CHRM5: variants seen among roughly 807,000 people sequenced by gnomAD.
CHRM5 encodes the protein muscarinic acetylcholine receptor M5.
CHRM5 carries 18 observed loss-of-function variants against 39.0 expected under a neutral mutation model. The ratio of observed to expected loss-of-function variants is 0.46; its 90% CI spans 0.32 to 0.68. The LOEUF (loss-of-function observed/expected upper bound fraction) is 0.68. CHRM5 is among the 30% of genes least tolerant of loss of function. The pLI, the probability that CHRM5 is intolerant of heterozygous loss-of-function variation, is 0.04. For missense variants in CHRM5, 515 were observed against 651.1 expected (o/e 0.79, Z 2.28); for synonymous variants, 241 against 246.3 (o/e 0.98, Z 0.20).
intron 1 of CHRM5, among the ~76,000 whole-genome samples, chr15:34,029,517 CAAAAAA>C (rs66519745): frequency 2.4e-4 from 28 of 118,696 alleles, no homozygotes; most frequent in African/African-American, 5.7e-4. Flanking sequence ...CCTATTTCTA[CAAAAAA>C]AAAAAAAAAA....
At position 33,973,242 on chromosome 15, in the gene CHRM5, T is replaced by C. The variant is rs533417278; in HGVS notation, c.-408+4092T>C. ...ATGTAGCACTGAATAATGTGTTCTT[T>C]AAGAAGCAAAAGCCAGAGATGATTT... is the stretch of plus-strand genomic sequence containing the variant. On this transcript the variant is annotated intron_variant, in intron 1 of 2. Coordinates refer to ENST00000383263, the MANE Select transcript of CHRM5 (RefSeq NM_012125.4). Among the ~76,000 whole-genome samples, 6 of 152,348 alleles carry C rather than the reference T, an allele frequency of 3.9e-5. No individual in the cohort carries two copies. The East Asian group carries it at 1.2e-3, about 29-fold the overall frequency.
intron 1 of CHRM5, chr15:33,991,656 C>G (rs537250505): frequency 1.3e-5 from 2 of 152,150 alleles, no homozygotes; most frequent in African/African-American, 2.4e-5. Context: ...AATGGATACA[C>G]TTTATCAGTA....
At chr15:34,044,040 A>G (rs1331480816) in intron 1 of CHRM5, among the ~76,000 whole-genome samples, 1 of 151,874 alleles carries the variant, frequency 6.6e-6, no homozygotes, top group Non-Finnish European at 1.5e-5. Flanking sequence ...GTACCTTCTA[A>G]TGAATCATTC....
intron 2 of CHRM5, among the ~76,000 whole-genome samples, chr15:34,048,402 C>G (rs1170463294): frequency 6.6e-6 from 1 of 150,712 alleles, no homozygotes; most frequent in Non-Finnish European, 1.5e-5. Flanking sequence ...AGGAAGGGTC[C>G]CCCACAACGA....
intron 1 of CHRM5, among the ~76,000 whole-genome samples, chr15:34,011,511 G>T (rs1161982515): frequency 6.6e-6 from 1 of 152,154 alleles, no homozygotes; most frequent in African/African-American, 2.4e-5. Flanking sequence ...TGGCCATTAA[G>T]AATGGGAATA....
intron 1 of CHRM5, among the ~76,000 whole-genome samples, chr15:34,030,240 T>G (rs1443248299): frequency 2.0e-5 from 3 of 151,980 alleles, no homozygotes; most frequent in Non-Finnish European, 4.4e-5. Context: ...GGTGACAGAG[T>G]GAGTGAGACT....
rs200508300 is a variant in CHRM5, at chr15:34,031,635, A to AT, written c.-407-14896dup. 5.0e-4 allele frequency among the ~76,000 whole-genome samples: 75 copies of AT among 151,276 alleles called. 1 individual carries two copies. The highest frequency in any genetic ancestry group is 3.4e-3 in the Middle Eastern group (1 of 292). On this transcript the variant is annotated intron_variant, in intron 1 of 2. Transcript: ENST00000383263. ...AGGGAATGCATTCCATTAATCTCCTATTTTTTTTTGGATTGTTGTGCTGTT... is the reference window on the plus strand; with the variant it reads ...AGGGAATGCATTCCATTAATCTCCTATTTTTTTTTTGGATTGTTGTGCTGTT...
At chr15:34,026,241 T>C (rs1898466642) in intron 1 of CHRM5, among the ~76,000 whole-genome samples, 1 of 152,142 alleles carries the variant, frequency 6.6e-6, no homozygotes, top group Non-Finnish European at 1.5e-5. Flanking sequence ...GAAAAGAATA[T>C]ACATCAAATG....
chr15:33,974,839 G>A (rs1045762756), intron 1 of CHRM5, among the ~76,000 whole-genome samples: 1 of 152,270 alleles, frequency 6.6e-6, no homozygotes, highest in African/African-American at 2.4e-5. Flanking sequence ...CGGGTGTGGT[G>A]GTGCATGCCT....
intron 1 of CHRM5, among the ~76,000 whole-genome samples, chr15:33,979,442 G>A (rs1597301983): frequency 6.6e-6 from 1 of 152,102 alleles, no homozygotes; most frequent in Non-Finnish European, 1.5e-5. Context: ...CCAGGAGGTT[G>A]AGGCTGCACT....
chr15:34,038,751 TC>T, intron 1 of CHRM5: 1 of 1,153,712 alleles, frequency 8.7e-7, no homozygotes. Flanking sequence ...TTACACGCGG[TC>T]CCAGCCCCAC....
At chr15:33,985,511 T>C (rs142192094) in intron 1 of CHRM5, among the ~76,000 whole-genome samples, 198 of 149,288 alleles carry the variant, frequency 1.3e-3, no homozygotes, top group African/African-American at 4.6e-3. Context: ...CAGGGTTGCT[T>C]GCTGGAAACA....
At chr15:34,061,519 A>G (rs1567493382) in intron 2 of CHRM5, among the ~76,000 whole-genome samples, 2 of 152,198 alleles carry the variant, frequency 1.3e-5, no homozygotes. Flanking sequence ...TTGTATTTAA[A>G]TATTTATTTA....
intron 1 of CHRM5, among the ~76,000 whole-genome samples, chr15:33,984,407 G>GT (rs11363064): frequency 2.3e-3 from 336 of 148,116 alleles, no homozygotes; most frequent in East Asian, 7.7e-3. Context: ...TGATGGTAGG[G>GT]TTTTTTTTTT....
rs1271152787 is a variant in CHRM5, at chr15:34,038,886, C to A, written c.-407-7654C>A. 3 of 1,139,598 alleles carry A rather than the reference C, an allele frequency of 2.6e-6. No homozygotes were observed. In the African/African-American group the frequency reaches 5.0e-5, roughly 19 times the overall value. 70.6% of individuals were successfully genotyped at this position (1,139,598 alleles called of 1,614,324 possible). On this transcript the variant is annotated intron_variant, in intron 1 of 2. Transcript: ENST00000383263. Reference sequence around the variant, plus strand: ...AGCGCCGCGGAAGCCCCGGCCACGGCCACGGCCCCGGCGTCCGCCTCCGTC... The same window carrying A: ...AGCGCCGCGGAAGCCCCGGCCACGGACACGGCCCCGGCGTCCGCCTCCGTC...
intron 1 of CHRM5, among the ~76,000 whole-genome samples, chr15:34,005,854 G>A (rs1236097108): frequency 6.6e-6 from 1 of 152,130 alleles, no homozygotes; most frequent in Non-Finnish European, 1.5e-5. Context: ...AAGCCTCCCT[G>A]TCAAAACAAA....
intron 1 of CHRM5, among the ~76,000 whole-genome samples, chr15:34,009,003 A>G (rs1033905195): frequency 2.0e-5 from 3 of 152,048 alleles, no homozygotes; most frequent in Admixed American, 6.6e-5. Context: ...CTGAAAATCA[A>G]GAAAAAGGAA....
chr15:34,012,363 G>C (rs1288998340), intron 1 of CHRM5, among the ~76,000 whole-genome samples: 2 of 152,170 alleles, frequency 1.3e-5, no homozygotes, highest in Non-Finnish European at 2.9e-5. Context: ...AAGGTCATCT[G>C]TATAAAAAAT....
At position 33,983,942 on chromosome 15, in the gene CHRM5, A is replaced by G. The variant is rs527818495; in HGVS notation, c.-408+14792A>G. On this transcript the variant is annotated intron_variant, in intron 1 of 2. Coordinates refer to ENST00000383263, the MANE Select transcript of CHRM5 (RefSeq NM_012125.4). ...TCAGCCTCATCATGAAAAAAAAAAA[A>G]ATCAGAAAAACCCAAATTAAGGGAC... Among the ~76,000 whole-genome samples the G allele has an allele frequency of 2.6e-5, 4 of 152,144 alleles. No individual in the cohort carries two copies. The East Asian group carries it at 7.7e-4, about 29-fold the overall frequency.
Sources: allele counts gnomAD v4.1 joint callset (sites outside exome capture counted in the v4.1 genomes callset), GRCh38; gene constraint gnomAD v4.1.1; transcripts MANE v1.5; gene names NCBI Gene and HGNC (gene_info 2026-07-23, HGNC 2026-07-21).